Variants in ARFGEF3 observed in about 807,000 individuals in gnomAD.
The protein encoded by ARFGEF3 is brefeldin A-inhibited guanine nucleotide-exchange protein 3.
In ARFGEF3, 96 loss-of-function variants were observed where a neutral mutation model predicts 221.7. The observed-to-expected ratio is 0.43, with a 90% CI of 0.37 to 0.51. The LOEUF is 0.51. Among genes scored for constraint, ARFGEF3 ranks in the 20% least tolerant of loss-of-function variants. The pLI, the probability that ARFGEF3 is intolerant of heterozygous loss-of-function variation, is 0.00. For missense variants in ARFGEF3, 2,410 were observed against 2,789.9 expected, an observed-to-expected ratio of 0.86 and a Z score of 3.07; for synonymous variants, 1,145 against 1,126.8, an observed-to-expected ratio of 1.02 and a Z score of -0.32.
Position 138,291,778 on chromosome 6 carries a change from T to C in ARFGEF3, c.3093T>C (p.Asp1031=). 1 of 1,459,346 alleles carries C rather than the reference T, an allele frequency of 6.9e-7. No individual in the cohort carries two copies. The highest frequency in any genetic ancestry group is 9.1e-7 in the Non-Finnish European group (1 of 1,103,952). 90.4% of individuals were successfully genotyped at this position (1,459,346 alleles called of 1,614,324 possible). ...VGTLEHNHFS[D]GASQPPLTIS... is the part of the protein sequence containing the mutation. Reference sequence around the variant, plus strand: ...CCCTGGAGCACAACCACTTCAGCGATGGTGCCTCGCAGCCCCCTCTGACCA... The same window carrying C: ...CCCTGGAGCACAACCACTTCAGCGACGGTGCCTCGCAGCCCCCTCTGACCA... Residue 1031 remains aspartate (D), a synonymous_variant, in exon 19 of 34, where the codon GAT becomes GAC. Coordinates refer to ENST00000251691, the MANE Select transcript of ARFGEF3 (RefSeq NM_020340.5). This position sits in a 1 kb window ranked among gnomAD's most constrained non-coding sequence, Gnocchi z 4.5.
Position 138,296,863 on chromosome 6 carries a change from G to C in ARFGEF3, c.3556G>C (p.Gly1186Arg). 1 of 1,614,008 alleles carries C rather than the reference G, an allele frequency of 6.2e-7. No homozygotes were observed. Among genetic ancestry groups the C allele is most frequent in the Non-Finnish European group, 8.5e-7 (1 of 1,179,894 alleles). Residue 1186 changes from glycine (G) to arginine (R), a missense_variant, in exon 21 of 34, where the codon GGG becomes CGG. Gly to Arg is a moderately radical substitution (Grantham distance 125, BLOSUM62 -2). Coordinates refer to ENST00000251691, the MANE Select transcript of ARFGEF3 (RefSeq NM_020340.5). The stretch of plus-strand genomic sequence containing the variant: ...AAGCGCCCTCCACCTGTTCCGCCTG[G>C]GGAATGCCATGCTGAGGATTGTGCG... ...RKSALHLFRL[G>R]NAMLRIVRSK...
chr6:138,259,103 G>T (rs1159851004), intron 10 of ARFGEF3, among the ~76,000 whole-genome samples: 1 of 152,240 alleles, frequency 6.6e-6, no homozygotes, highest in East Asian at 1.9e-4. Context: ...GACTGATTGG[G>T]GCCAGGATGT....
chr6:138,203,068 C>T (rs1420525347), intron 2 of ARFGEF3, among the ~76,000 whole-genome samples: 3 of 152,106 alleles, frequency 2.0e-5, no homozygotes, highest in Non-Finnish European at 4.4e-5. Context: ...AACTTGGGAT[C>T]CATGTAGAGT....
At chr6:138,253,513 G>T (rs565380938) in intron 8 of ARFGEF3, among the ~76,000 whole-genome samples, 1 of 152,296 alleles carries the variant, frequency 6.6e-6, no homozygotes, top group South Asian at 2.1e-4. Flanking sequence ...GCGCCTTGTA[G>T]ATGGCTGTCT....
intron 20 of ARFGEF3, among the ~76,000 whole-genome samples, chr6:138,296,265 C>A (rs1779518767): frequency 6.6e-6 from 1 of 152,072 alleles, no homozygotes; most frequent in Non-Finnish European, 1.5e-5. Context: ...TAAGGATTGG[C>A]AAAGTAGATG....
intron 31 of ARFGEF3, among the ~76,000 whole-genome samples, chr6:138,324,707 G>A (rs911863465): frequency 3.9e-5 from 6 of 152,240 alleles, no homozygotes; most frequent in Non-Finnish European, 7.3e-5. Context: ...CTGAGGAGCA[G>A]AGAACACATT....
chr6:138,304,297 C>A (rs948939176), intron 22 of ARFGEF3, among the ~76,000 whole-genome samples: 2 of 152,124 alleles, frequency 1.3e-5, no homozygotes, highest in African/African-American at 4.8e-5. Flanking sequence ...ATAGGAAAAT[C>A]TATAGTGACA....
At chr6:138,203,108 A>T (rs888708929) in intron 2 of ARFGEF3, among the ~76,000 whole-genome samples, 1 of 152,110 alleles carries the variant, frequency 6.6e-6, no homozygotes, top group African/African-American at 2.4e-5. Context: ...GATTCCCTGA[A>T]ATGATAGGCA....
At chr6:138,272,547 A>G (rs982759204) in intron 12 of ARFGEF3, among the ~76,000 whole-genome samples, 2 of 152,264 alleles carry the variant, frequency 1.3e-5, no homozygotes, top group Non-Finnish European at 2.9e-5. Context: ...TAAAATTCAC[A>G]TTAAAATGTT....
At chr6:138,259,424 T>C (rs1778746008) in intron 10 of ARFGEF3, among the ~76,000 whole-genome samples, 1 of 152,214 alleles carries the variant, frequency 6.6e-6, no homozygotes, top group African/African-American at 2.4e-5. Context: ...AAGTACACTT[T>C]GCTTCCTTTT....
rs1291994142 is a variant in ARFGEF3 at position 138,337,333 on chromosome 6, GAAGAA to G, written c.*851_*855del. Reference sequence around the variant, plus strand: ...AGGCAAACAAGGAAAGGAAAGGAAAGAAGAAAAGGTGCCTTAGTCCTTTGTTGCAC... The same window carrying G: ...AGGCAAACAAGGAAAGGAAAGGAAAGAAGGTGCCTTAGTCCTTTGTTGCAC... On this transcript the variant is annotated 3_prime_UTR_variant, in exon 34 of 34. Transcript: ENST00000251691. The G allele has an allele frequency of 1.3e-5, 2 of 152,638 alleles. No individual in the cohort carries two copies. The highest frequency in any genetic ancestry group is 4.8e-5 in the African/African-American group (2 of 41,444). The allele number at this position is 152,638 out of a possible 1,614,324, so 9.5% of individuals were successfully genotyped here.
At chr6:138,262,676 A>T in intron 11 of ARFGEF3, 25 bp from the exon 12 acceptor site, 1 of 1,562,406 alleles carries the variant, frequency 6.4e-7, no homozygotes, top group Non-Finnish European at 8.7e-7. Context: ...CATTTATTCC[A>T]TTTTCTCTTT....
chr6:138,251,775 T>G (rs1164067228), intron 8 of ARFGEF3, among the ~76,000 whole-genome samples: 1 of 152,112 alleles, frequency 6.6e-6, no homozygotes, highest in African/African-American at 2.4e-5. Flanking sequence ...TAAGACAGCA[T>G]GTCCTGTGGA....
At chr6:138,203,113 T>G (rs1282453755) in intron 2 of ARFGEF3, among the ~76,000 whole-genome samples, 2 of 152,094 alleles carry the variant, frequency 1.3e-5, no homozygotes, top group Admixed American at 6.6e-5. Context: ...CCTGAAATGA[T>G]AGGCACCCTC....
chr6:138,238,721 C>T, intron 6 of ARFGEF3, 90 bp downstream of exon 6: 1 of 1,245,750 alleles, frequency 8.0e-7, no homozygotes, highest in Non-Finnish European at 1.1e-6. Context: ...GGCTGCCTGC[C>T]TCCTGAAAAC....
intron 29 of ARFGEF3, 77 bp from the exon 30 acceptor site, chr6:138,323,594 A>G: frequency 7.2e-7 from 1 of 1,379,762 alleles, no homozygotes; most frequent in Non-Finnish European, 1.0e-6. Flanking sequence ...CTGGGCAACA[A>G]GAGCAAAACT....
chr6:138,308,652 G>A (rs1424031219), intron 23 of ARFGEF3, 87 bp from the exon 24 acceptor site: 13 of 1,416,024 alleles, frequency 9.2e-6, no homozygotes, highest in Non-Finnish European at 1.3e-5. Flanking sequence ...ATCTGTCTCA[G>A]TGGAACGTGC....
chr6:138,298,921 T>C (rs1488609705), intron 22 of ARFGEF3, 136 bp downstream of exon 22: 3 of 706,130 alleles, frequency 4.2e-6, no homozygotes, highest in African/African-American at 1.8e-5. Context: ...TAAGCAGGGC[T>C]GGGCGTGGTG....
chr6:138,194,365 G>A (rs1777369072), intron 2 of ARFGEF3, among the ~76,000 whole-genome samples: 1 of 152,146 alleles, frequency 6.6e-6, no homozygotes, highest in Non-Finnish European at 1.5e-5. Flanking sequence ...TGCTGCTGCT[G>A]CTGTTTGCAT....
Sources: gnomAD v4.1 joint callset for allele counts (sites outside exome capture counted in the v4.1 genomes callset) on GRCh38, gnomAD v4.1.1 for gene constraint, Gnocchi (gnomAD v3.1) non-coding constraint, MANE v1.5 for transcripts, NCBI Gene and HGNC (gene_info 2026-07-23, HGNC 2026-07-21) for gene names.